Variants in DENND1A observed in about 807,000 individuals in gnomAD.
DENND1A encodes the protein DENN domain containing 1A.
A neutral mutation model predicts 113.7 loss-of-function variants in DENND1A; 51 were observed. The observed-to-expected ratio is 0.45, with a 90% CI of 0.36 to 0.57. DENND1A has a LOEUF of 0.57. DENND1A is among the 20% of genes least tolerant of loss of function. The pLI, the probability that DENND1A is intolerant of heterozygous loss-of-function variation, is 0.00. For synonymous variants in DENND1A, 565 were observed against 570.8 expected, an observed-to-expected ratio of 0.99 and a Z score of 0.14; for missense variants, 1,258 against 1,395.9, an observed-to-expected ratio of 0.90 and a Z score of 1.57.
At chr9:123,901,776 G>A (rs566625000) in intron 1 of DENND1A, among the ~76,000 whole-genome samples, 91 of 152,154 alleles carry the variant, frequency 6.0e-4, no homozygotes, top group Middle Eastern at 6.8e-3. Flanking sequence ...AGGCTGAGGC[G>A]GGTGGATCAC....
At chr9:123,628,141 T>TA (rs1381613208) in intron 10 of DENND1A, among the ~76,000 whole-genome samples, 4 of 151,148 alleles carry the variant, frequency 2.6e-5, no homozygotes, top group Non-Finnish European at 4.4e-5. Context: ...TCTGAGGGAG[T>TA]AAATTAATCT....
At position 123,816,757 on chromosome 9, in the gene DENND1A, A is replaced by C. The variant is rs558734570; in HGVS notation, c.89-24127T>G. Among the ~76,000 whole-genome samples, 3 of 152,318 alleles carry C rather than the reference A, an allele frequency of 2.0e-5. No individual in the cohort carries two copies. In the East Asian group the frequency reaches 5.8e-4, roughly 29 times the overall value. On this transcript the variant is annotated intron_variant, in intron 2 of 23. Transcript: ENST00000394215. ...TTCACAAAACTCTGTACAACTTTCC[A>C]AGCTCTTTCACATTCTTTAGAATTC...
chr9:123,407,570 C>T (rs554507311), intron 20 of DENND1A, among the ~76,000 whole-genome samples: 4 of 152,240 alleles, frequency 2.6e-5, no homozygotes, highest in African/African-American at 9.6e-5. Context: ...CATATTTCAG[C>T]GATCACACCC....
chr9:123,402,522 C>A (rs202062088), intron 21 of DENND1A: 2 of 534,722 alleles, frequency 3.7e-6, no homozygotes, highest in African/African-American at 1.9e-5. Context: ...GGGCCTCCCC[C>A]TTTCCACCCA....
intron 13 of DENND1A, among the ~76,000 whole-genome samples, chr9:123,554,607 G>T (rs935018996): frequency 1.3e-5 from 2 of 152,184 alleles, no homozygotes; most frequent in African/African-American, 2.4e-5. Flanking sequence ...CAGGCCTTCT[G>T]GTTTCCTTCT....
chr9:123,452,984 C>G (rs1048837641), intron 16 of DENND1A, among the ~76,000 whole-genome samples: 7 of 152,198 alleles, frequency 4.6e-5, no homozygotes, highest in African/African-American at 1.7e-4. Flanking sequence ...CAATTTCTCG[C>G]TCACTTTCTT....
At chr9:123,632,906 A>ATTAT (rs1242755412) in intron 9 of DENND1A, among the ~76,000 whole-genome samples, 4 of 150,840 alleles carry the variant, frequency 2.7e-5, no homozygotes, top group Non-Finnish European at 5.9e-5. Context: ...TATAATAATA[A>ATTAT]TAATATTATT....
intron 5 of DENND1A, among the ~76,000 whole-genome samples, chr9:123,714,034 T>C (rs2066810154): frequency 6.6e-6 from 1 of 152,172 alleles, no homozygotes; most frequent in Non-Finnish European, 1.5e-5. Context: ...TAAAAATTAG[T>C]GTGTACAGTT....
intron 1 of DENND1A, among the ~76,000 whole-genome samples, chr9:123,880,629 T>TTC (rs1848182663): frequency 6.6e-6 from 1 of 152,210 alleles, no homozygotes; most frequent in African/African-American, 2.4e-5. Flanking sequence ...GCAATCTCAG[T>TTC]TATCTCATTT....
chr9:123,593,213 T>C (rs2137110793), intron 11 of DENND1A, among the ~76,000 whole-genome samples: 1 of 152,336 alleles, frequency 6.6e-6, no homozygotes, highest in South Asian at 2.1e-4. Flanking sequence ...CTTGGGATTT[T>C]ATCTTCCTCA....
intron 5 of DENND1A, among the ~76,000 whole-genome samples, chr9:123,717,963 C>G (rs4388514): frequency 0.92 from 139,626 of 152,282 alleles, 64,210 homozygotes; most frequent in East Asian, 1. Flanking sequence ...TTTCACACCA[C>G]CTCCTTCCTC....
chr9:123,691,627 C>T (rs1177213833), intron 5 of DENND1A, among the ~76,000 whole-genome samples: 3 of 151,566 alleles, frequency 2.0e-5, no homozygotes, highest in East Asian at 3.9e-4. Context: ...CCAAAGAGCC[C>T]AGCTTGTAAG....
At chr9:123,655,331 A>G (rs1390429164) in intron 8 of DENND1A, among the ~76,000 whole-genome samples, 2 of 152,178 alleles carry the variant, frequency 1.3e-5, no homozygotes, top group East Asian at 3.9e-4. Flanking sequence ...GCAATGGCTG[A>G]GGGTGCTGGT....
intron 9 of DENND1A, among the ~76,000 whole-genome samples, chr9:123,644,432 T>TGTATAGTAC (rs751908534): frequency 0.012 from 1,843 of 151,772 alleles, 19 homozygotes; most frequent in South Asian, 0.027. Context: ...CAGGTCTTAT[T>TGTATAGTAC]TTTCACCCAA....
intron 3 of DENND1A, among the ~76,000 whole-genome samples, chr9:123,771,607 G>C (rs1341727432): frequency 2.6e-5 from 4 of 152,142 alleles, no homozygotes; most frequent in African/African-American, 4.8e-5. Flanking sequence ...ATTTTTGAAA[G>C]AAAGGACCCC....
rs144172794 is a variant in DENND1A, at chr9:123,747,785, T to C, written c.302+9918A>G. Among the ~76,000 whole-genome samples, 254 of 152,306 alleles carry C rather than the reference T, an allele frequency of 1.7e-3. 1 individual carries two copies. Among genetic ancestry groups the C allele is most frequent in the East Asian group, 0.016 (83 of 5,194 alleles). ...CATTTTACAACTCATGCTAATAAAA[T>C]TACTTACTCTGAAGATGTAAATATA... On this transcript the variant is annotated intron_variant, in intron 5 of 23. Coordinates refer to ENST00000394215, the MANE Select transcript of DENND1A (RefSeq NM_001352964.2).
At chr9:123,573,349 T>C (rs2058460305) in intron 12 of DENND1A, among the ~76,000 whole-genome samples, 1 of 152,190 alleles carries the variant, frequency 6.6e-6, no homozygotes, top group African/African-American at 2.4e-5. Context: ...GTTGGGATTA[T>C]ATTGAATCTA....
intron 9 of DENND1A, among the ~76,000 whole-genome samples, chr9:123,645,423 G>A (rs1022400247): frequency 1.7e-4 from 26 of 151,922 alleles, no homozygotes; most frequent in African/African-American, 4.8e-4. Flanking sequence ...ATCCCCCTCC[G>A]CACCAGCCCC....
chr9:123,443,014 C>T (rs1165630026), intron 18 of DENND1A, among the ~76,000 whole-genome samples: 3 of 152,204 alleles, frequency 2.0e-5, no homozygotes, highest in Admixed American at 2.0e-4. Context: ...TACCCCTGTG[C>T]TTTTCCAGAC....
Sources: gnomAD v4.1 joint callset for allele counts (sites outside exome capture counted in the v4.1 genomes callset) on GRCh38, gnomAD v4.1.1 for gene constraint, MANE v1.5 for transcripts, NCBI Gene and HGNC (gene_info 2026-07-23, HGNC 2026-07-21) for gene names.